Variants in SCN7A observed in about 807,000 individuals in gnomAD.
SCN7A encodes sodium channel protein type 7 subunit alpha.
Under a neutral mutation model 155.2 loss-of-function variants are expected in SCN7A, and 138 were observed. The observed-to-expected ratio is 0.89, with a 90% CI of 0.77 to 1.02. The LOEUF (loss-of-function observed/expected upper bound fraction) is 1.02, where lower values mean the gene tolerates loss of function less well. SCN7A is among the 50% of genes least tolerant of loss of function. The pLI is 0.00. For synonymous variants in SCN7A, 693 were observed against 649.0 expected (o/e 1.07, Z -1.03); for missense variants, 2,058 against 1,986.6 (o/e 1.04, Z -0.68).
intron 20 of SCN7A, among the ~76,000 whole-genome samples, chr2:166,419,372 T>TC (rs1701461959): frequency 6.6e-6 from 1 of 151,158 alleles, no homozygotes; most frequent in Non-Finnish European, 1.5e-5. Flanking sequence ...TTTTTTTTTT[T>TC]TTTTTGAGAC....
rs182682648 is a variant in SCN7A at position 166,488,785 on chromosome 2, A to T, written c.-127-1817T>A. Among the ~76,000 whole-genome samples the T allele has an allele frequency of 1.4e-3, 210 of 151,978 alleles. 1 individual carries two copies. Among genetic ancestry groups the T allele is most frequent in the South Asian group, 3.7e-3 (18 of 4,812 alleles). On this transcript the variant is annotated intron_variant, in intron 1 of 25. Transcript: ENST00000643258. ...CCCAAGTAGCTAGGATTACAGGTGC[A>T]TGCTACTACACCTGGCTAATTTTTG...
intron 16 of SCN7A, among the ~76,000 whole-genome samples, chr2:166,431,902 G>A (rs1473222108): frequency 1.3e-5 from 2 of 152,028 alleles, no homozygotes; most frequent in Non-Finnish European, 2.9e-5. Context: ...AAAGCCCATG[G>A]AAATTTAGTG....
intron 2 of SCN7A, among the ~76,000 whole-genome samples, chr2:166,479,258 G>T (rs1231730075): frequency 6.6e-6 from 1 of 152,004 alleles, no homozygotes; most frequent in African/African-American, 2.4e-5. Flanking sequence ...CACATTACTT[G>T]TCTATTAATT....
intron 24 of SCN7A, 52 bp downstream of exon 24, chr2:166,410,168 T>C: frequency 7.6e-7 from 1 of 1,312,048 alleles, no homozygotes; most frequent in South Asian, 1.4e-5. Context: ...TAAAAGAGAA[T>C]ATATAAAGAA....
At chr2:166,490,190 CT>C (rs1683053656) in intron 1 of SCN7A, among the ~76,000 whole-genome samples, 1 of 152,108 alleles carries the variant, frequency 6.6e-6, no homozygotes, top group South Asian at 2.1e-4. Flanking sequence ...CAATAGAACA[CT>C]TATACTTATG....
At chr2:166,410,165 G>A (rs548164555) in intron 24 of SCN7A, 55 bp downstream of exon 24, 1 of 1,302,800 alleles carries the variant, frequency 7.7e-7, no homozygotes, top group Non-Finnish European at 1.1e-6. Context: ...CTTTAAAAGA[G>A]AATATATAAA....
rs1701043853 is a variant in SCN7A, at chr2:166,405,332, A to G, written c.*248T>C. On this transcript the variant is annotated 3_prime_UTR_variant, in exon 26 of 26. Transcript: ENST00000643258. ...ACATCATATAAGCCATGTAGAGAAA[A>G]CAAATATGAGATTGTCAAATGGCCA... The G allele has an allele frequency of 2.3e-6, 1 of 425,878 alleles. No individual in the cohort carries two copies. The highest frequency in any genetic ancestry group is 5.4e-5 in the South Asian group (1 of 18,470). 26.4% of individuals were successfully genotyped at this position (425,878 alleles called of 1,614,324 possible).
intron 16 of SCN7A, among the ~76,000 whole-genome samples, chr2:166,430,446 TTAAG>T (rs1419126549): frequency 6.6e-6 from 1 of 151,890 alleles, no homozygotes; most frequent in Non-Finnish European, 1.5e-5. Flanking sequence ...AGACTAGGCA[TTAAG>T]TAATTTAAAC....
intron 13 of SCN7A, among the ~76,000 whole-genome samples, 165 bp from the exon 14 acceptor site, chr2:166,443,841 A>C (rs1702008838): frequency 6.6e-6 from 1 of 152,180 alleles, no homozygotes; most frequent in Non-Finnish European, 1.5e-5. Context: ...GTAAGGACAG[A>C]CTCATACATT....
rs748789623 is a variant in SCN7A at position 166,473,852 on chromosome 2, A to G, written c.390T>C (p.Ile130=). Residue 130 remains isoleucine (I), a synonymous_variant, in exon 5 of 26, where the codon ATT becomes ATC. Transcript: ENST00000643258. ...TAGTCAGGGACATGAATACGCAATC[A>G]ATCAGGACACTAATTAGAATAAACA... The part of the protein sequence containing the change: ...FQLFILISVL[I]DCVFMSLTNL... 6.4e-7 allele frequency: 1 copy of G among 1,568,654 alleles called. No homozygotes were observed. The highest frequency in any genetic ancestry group is 8.7e-7 in the Non-Finnish European group (1 of 1,153,500).
At chr2:166,473,134 C>A (rs1052838424) in intron 5 of SCN7A, among the ~76,000 whole-genome samples, 1 of 151,556 alleles carries the variant, frequency 6.6e-6, no homozygotes, top group Non-Finnish European at 1.5e-5. Flanking sequence ...GCAAGTTTAC[C>A]TATGGAACAA....
At chr2:166,425,160 T>C (rs1701595764) in intron 18 of SCN7A, among the ~76,000 whole-genome samples, 1 of 152,106 alleles carries the variant, frequency 6.6e-6, no homozygotes, top group East Asian at 1.9e-4. Context: ...GAATTGAGTC[T>C]TTCTTGAGGA....
intron 12 of SCN7A, among the ~76,000 whole-genome samples, chr2:166,445,705 A>G (rs539712428): frequency 1.3e-5 from 2 of 152,178 alleles, no homozygotes; most frequent in Non-Finnish European, 2.9e-5. Context: ...CATCCCCAGG[A>G]TGAAGCTGAC....
chr2:166,472,316 C>T lies in SCN7A; in HGVS notation c.572+1G>A, dbSNP rs1345050587. On this transcript the variant is annotated splice_donor_variant, in intron 6 of 25. Transcript: ENST00000643258. LOFTEE classifies it high-confidence loss of function. ...TAGACTCAATTTAAAGAAATACTCA[C>T]TCAAACACAGTTACGCTGAAATCGA... 1.3e-6 allele frequency: 2 copies of T among 1,595,994 alleles called. No homozygotes were observed. Among genetic ancestry groups the T allele is most frequent in the Non-Finnish European group, 1.7e-6 (2 of 1,172,758 alleles).
chr2:166,478,499 G>A (rs1702850952), intron 2 of SCN7A, among the ~76,000 whole-genome samples: 1 of 151,604 alleles, frequency 6.6e-6, no homozygotes, highest in South Asian at 2.1e-4. Flanking sequence ...TCTTCCCCCA[G>A]CTGTCTATAT....
intron 3 of SCN7A, among the ~76,000 whole-genome samples, chr2:166,477,160 C>A (rs907420495): frequency 1.3e-5 from 2 of 151,698 alleles, no homozygotes; most frequent in Non-Finnish European, 2.9e-5. Context: ...AATTGATAAC[C>A]ACAAATGGAC....
chr2:166,413,028 T>C, intron 22 of SCN7A, 40 bp downstream of exon 22: 1 of 1,399,544 alleles, frequency 7.1e-7, no homozygotes, highest in South Asian at 1.3e-5. Flanking sequence ...ATGACTTTGC[T>C]TGTATCCTAA....
rs1390364556 is a variant in SCN7A at position 166,416,825 on chromosome 2, G to A, written c.3296C>T (p.Ser1099Phe). The change falls in exon 21 of 26, where the codon TCT becomes TTT. Residue 1099 changes from serine to phenylalanine, a missense_variant. Transcript: ENST00000643258. ...ACACCGACTCTTATTCATGACTTCA[G>A]ATGAAGGAAACCTTTCTCCACTTGT... ...DPTSGERFPS[S>F]EVMNKSRCES... is the part of the protein sequence containing the mutation. The A allele has an allele frequency of 1.9e-6, 3 of 1,613,618 alleles. No individual in the cohort carries two copies. The highest frequency in any genetic ancestry group is 2.5e-6 in the Non-Finnish European group (3 of 1,179,768).
intron 25 of SCN7A, among the ~76,000 whole-genome samples, chr2:166,408,880 C>A (rs1282022400): frequency 1.3e-5 from 2 of 151,964 alleles, no homozygotes. Flanking sequence ...AACTCTTTGA[C>A]ACTAAATTCT....
Sources: allele counts gnomAD v4.1 joint callset (sites outside exome capture counted in the v4.1 genomes callset), GRCh38; gene constraint gnomAD v4.1.1; transcripts MANE v1.5; gene names NCBI Gene and HGNC (gene_info 2026-07-23, HGNC 2026-07-21).